Variants in EIF4G3 observed in about 807,000 individuals in gnomAD.
EIF4G3 encodes the protein eIF-4-gamma 3.
EIF4G3 carries 34 observed loss-of-function variants against 186.4 expected under a neutral mutation model. The ratio of observed to expected loss-of-function variants is 0.18; its 90% CI spans 0.14 to 0.24. The LOEUF (loss-of-function observed/expected upper bound fraction) is 0.24. EIF4G3 is among the 10% of genes least tolerant of loss of function. The pLI is 1.00. For missense variants in EIF4G3, 1,536 were observed against 1,948.5 expected (o/e 0.79, Z 3.99); for synonymous variants, 673 against 679.5 (o/e 0.99, Z 0.15).
intron 12 of EIF4G3, among the ~76,000 whole-genome samples, chr1:20,958,605 A>C (rs975183779): frequency 2.6e-5 from 4 of 152,194 alleles, no homozygotes; most frequent in Non-Finnish European, 5.9e-5. Context: ...GAGGAAGTCA[A>C]ACTATCACTG....
chr1:20,941,115 A>G, intron 14 of EIF4G3: 2 of 1,034,142 alleles, frequency 1.9e-6, no homozygotes, highest in Non-Finnish European at 1.3e-6. Context: ...TTCTAGGAAG[A>G]CAGAATTAGG....
chr1:20,920,478 AAG>A (rs898994323), intron 14 of EIF4G3, among the ~76,000 whole-genome samples: 29 of 152,316 alleles, frequency 1.9e-4, no homozygotes, highest in African/African-American at 6.7e-4. Context: ...GGTTGGATAG[AAG>A]AGAGAATAGA....
intron 30 of EIF4G3, among the ~76,000 whole-genome samples, chr1:20,840,575 C>T (rs1264345154): frequency 2.0e-5 from 3 of 152,170 alleles, no homozygotes; most frequent in African/African-American, 7.2e-5. Flanking sequence ...CAGAGTTTCC[C>T]TGAGGCTAAG....
chr1:21,014,439 T>A (rs557379829), intron 4 of EIF4G3, among the ~76,000 whole-genome samples: 18 of 152,260 alleles, frequency 1.2e-4, no homozygotes, highest in Admixed American at 7.9e-4. Flanking sequence ...GCACAGTATC[T>A]GGTAGGCAAT....
intron 4 of EIF4G3, among the ~76,000 whole-genome samples, chr1:21,016,810 A>C (rs1194742422): frequency 6.6e-6 from 1 of 152,130 alleles, no homozygotes; most frequent in African/African-American, 2.4e-5. Flanking sequence ...TCTACTAAAA[A>C]ATATAAAAAT....
intron 2 of EIF4G3, among the ~76,000 whole-genome samples, chr1:21,149,441 C>T (rs1219946507): frequency 1.3e-5 from 2 of 152,090 alleles, no homozygotes; most frequent in African/African-American, 4.8e-5. Flanking sequence ...CTCTTCATCA[C>T]ACTGAAAGAG....
intron 2 of EIF4G3, among the ~76,000 whole-genome samples, chr1:21,098,923 C>T (rs932166364): frequency 9.9e-5 from 15 of 152,192 alleles, no homozygotes; most frequent in Admixed American, 9.8e-4. Flanking sequence ...AGGCACGACC[C>T]ACTGTGCCTA....
At chr1:20,815,641 G>A (rs1230460523) in intron 34 of EIF4G3, among the ~76,000 whole-genome samples, 2 of 136,524 alleles carry the variant, frequency 1.5e-5, no homozygotes, top group Admixed American at 7.0e-5. Flanking sequence ...CCCCGTCCGG[G>A]AGGGAGGTGG....
chr1:20,954,925 T>G (rs2096363281), intron 12 of EIF4G3, among the ~76,000 whole-genome samples: 1 of 152,164 alleles, frequency 6.6e-6, no homozygotes, highest in South Asian at 2.1e-4. Flanking sequence ...AACATTCAGG[T>G]TGACTTTCAA....
At chr1:21,145,411 A>C (rs1334712308) in intron 2 of EIF4G3, among the ~76,000 whole-genome samples, 1 of 151,914 alleles carries the variant, frequency 6.6e-6, no homozygotes, top group African/African-American at 2.4e-5. Context: ...CATACCTCTT[A>C]AAAGTGTCCA....
chr1:21,080,893 CTATTAT>C (rs1198087647), intron 3 of EIF4G3, among the ~76,000 whole-genome samples: 2 of 152,098 alleles, frequency 1.3e-5, no homozygotes, highest in African/African-American at 4.8e-5. Context: ...TGTCATTATT[CTATTAT>C]TAAGTTCATC....
intron 6 of EIF4G3, among the ~76,000 whole-genome samples, chr1:21,000,504 G>A (rs1258784561): frequency 6.6e-6 from 1 of 151,660 alleles, no homozygotes; most frequent in Non-Finnish European, 1.5e-5. Flanking sequence ...ACAGCTGTGA[G>A]ATGGATGAGA....
intron 3 of EIF4G3, among the ~76,000 whole-genome samples, chr1:21,056,419 C>T (rs566120246): frequency 5.9e-5 from 9 of 152,276 alleles, no homozygotes; most frequent in Admixed American, 2.6e-4. Flanking sequence ...ATTCCATATT[C>T]GCTTTTAGTG....
At chr1:21,169,625 G>A (rs1028771887) in intron 2 of EIF4G3, 1 of 151,770 alleles carries the variant, frequency 6.6e-6, no homozygotes, top group Non-Finnish European at 1.5e-5. Flanking sequence ...TTCCTCTTTG[G>A]CCTTCATACC....
intron 20 of EIF4G3, among the ~76,000 whole-genome samples, chr1:20,874,994 G>C (rs1335188675): frequency 1.3e-5 from 2 of 152,052 alleles, no homozygotes; most frequent in African/African-American, 4.8e-5. Flanking sequence ...TGCTTTCCCT[G>C]AGACTAGGTC....
chr1:20,846,062 G>C (rs919459923), intron 29 of EIF4G3, among the ~76,000 whole-genome samples: 6 of 152,022 alleles, frequency 3.9e-5, no homozygotes, highest in Admixed American at 6.6e-5. Flanking sequence ...TCTTTTTGTG[G>C]CAATTGTGAA....
chr1:21,155,135 T>TG (rs1490188066), intron 2 of EIF4G3, among the ~76,000 whole-genome samples: 1 of 151,386 alleles, frequency 6.6e-6, no homozygotes, highest in African/African-American at 2.4e-5. Flanking sequence ...TGGTGGCAGG[T>TG]GCCTGTAATC....
chr1:20,903,517 T>C (rs1445101618), intron 15 of EIF4G3, among the ~76,000 whole-genome samples: 1 of 152,252 alleles, frequency 6.6e-6, no homozygotes, highest in Non-Finnish European at 1.5e-5. Context: ...CCCATGCCTC[T>C]GGAAGGTATT....
chr1:20,880,975 T>C (rs2154554277), intron 19 of EIF4G3, among the ~76,000 whole-genome samples: 1 of 152,232 alleles, frequency 6.6e-6, no homozygotes, highest in East Asian at 1.9e-4. Flanking sequence ...GAGCTGATTC[T>C]AAAATTTATA....
Sources: allele counts gnomAD v4.1 joint callset (sites outside exome capture counted in the v4.1 genomes callset), GRCh38; gene constraint gnomAD v4.1.1; transcripts MANE v1.5; gene names NCBI Gene and HGNC (gene_info 2026-07-23, HGNC 2026-07-21).